Variants in NEK1 observed in about 807,000 individuals in gnomAD.
NEK1 encodes serine/threonine-protein kinase Nek1.
Under a neutral mutation model 182.1 loss-of-function variants are expected in NEK1, and 137 were observed. That is an observed-to-expected ratio of 0.75 (90% CI 0.65 to 0.87). The LOEUF (loss-of-function observed/expected upper bound fraction) is 0.87, where lower values mean the gene tolerates loss of function less well. NEK1 is among the 40% of genes least tolerant of loss of function. The pLI, the probability that NEK1 is intolerant of heterozygous loss-of-function variation, is 0.00. For synonymous variants in NEK1, 513 were observed against 492.2 expected (o/e 1.04, Z -0.56); for missense variants, 1,391 against 1,494.4 (o/e 0.93, Z 1.14).
At chr4:169,545,327 G>A (rs1202849495) in intron 18 of NEK1, among the ~76,000 whole-genome samples, 1 of 151,424 alleles carries the variant, frequency 6.6e-6, no homozygotes, top group Non-Finnish European at 1.5e-5. Context: ...TCTTGCGATA[G>A]TTTACTGAGA....
chr4:169,426,040 G>C (rs1736329482), intron 30 of NEK1, 106 bp downstream of exon 30: 1 of 779,732 alleles, frequency 1.3e-6, no homozygotes, highest in East Asian at 2.7e-5. Flanking sequence ...TGAGATGACT[G>C]ATAAGGAATG....
At chr4:169,441,632 G>A (rs544119954) in intron 27 of NEK1, among the ~76,000 whole-genome samples, 1 of 152,214 alleles carries the variant, frequency 6.6e-6, no homozygotes, top group Non-Finnish European at 1.5e-5. Context: ...CCCTGCTACT[G>A]CCTTGGCAAA....
intron 27 of NEK1, among the ~76,000 whole-genome samples, chr4:169,448,724 G>A (rs928021846): frequency 6.6e-6 from 1 of 152,202 alleles, no homozygotes; most frequent in Non-Finnish European, 1.5e-5. Context: ...CCAGTCTACA[G>A]CTTCCAGCGT....
chr4:169,578,390 T>A (rs1766054296), intron 11 of NEK1, among the ~76,000 whole-genome samples: 1 of 152,184 alleles, frequency 6.6e-6, no homozygotes, highest in Admixed American at 6.5e-5. Flanking sequence ...GCTCTCTAGC[T>A]CAGGATTTTA....
chr4:169,603,052 T>C (rs1487636355), intron 2 of NEK1, among the ~76,000 whole-genome samples: 1 of 152,196 alleles, frequency 6.6e-6, no homozygotes, highest in Admixed American at 6.5e-5. Context: ...TCCCCTCTTA[T>C]TCAACATTCG....
At chr4:169,495,582 A>C (rs1751087494) in intron 23 of NEK1, among the ~76,000 whole-genome samples, 1 of 152,064 alleles carries the variant, frequency 6.6e-6, no homozygotes, top group Non-Finnish European at 1.5e-5. Flanking sequence ...TTTTTGTATA[A>C]AGTGTAAAGA....
chr4:169,532,985 T>C (rs990779223), intron 19 of NEK1, among the ~76,000 whole-genome samples: 1 of 151,102 alleles, frequency 6.6e-6, no homozygotes, highest in Non-Finnish European at 1.5e-5. Context: ...AAAAAAAGAG[T>C]AGCTCCTCTA....
At chr4:169,557,180 C>T (rs1313978897) in intron 16 of NEK1, among the ~76,000 whole-genome samples, 1 of 151,184 alleles carries the variant, frequency 6.6e-6, no homozygotes, top group Non-Finnish European at 1.5e-5. Flanking sequence ...GCCCTGACAC[C>T]AAGCCAAGAA....
intron 35 of NEK1, among the ~76,000 whole-genome samples, chr4:169,397,246 CA>C (rs1730888709): frequency 6.6e-6 from 1 of 151,196 alleles, no homozygotes; most frequent in Non-Finnish European, 1.5e-5. Flanking sequence ...AAAATCCCAA[CA>C]AAAAACTCCC....
chr4:169,562,461 G>A (rs943931119), intron 12 of NEK1, among the ~76,000 whole-genome samples: 14 of 151,982 alleles, frequency 9.2e-5, no homozygotes, highest in Non-Finnish European at 1.5e-5. Flanking sequence ...GGATGTTTAA[G>A]TTTTCCAATA....
chr4:169,418,268 T>C (rs1285190821), intron 31 of NEK1, among the ~76,000 whole-genome samples: 1 of 152,174 alleles, frequency 6.6e-6, no homozygotes, highest in Non-Finnish European at 1.5e-5. Flanking sequence ...AGTTTAAAAG[T>C]GTAAAATAGA....
At chr4:169,405,680 C>G (rs1732467193) in intron 32 of NEK1, among the ~76,000 whole-genome samples, 1 of 151,980 alleles carries the variant, frequency 6.6e-6, no homozygotes, top group Non-Finnish European at 1.5e-5. Context: ...GTTGCTCAGG[C>G]TGGAGTGCAG....
chr4:169,409,423 C>T (rs937428655), intron 31 of NEK1, among the ~76,000 whole-genome samples: 5 of 151,740 alleles, frequency 3.3e-5, no homozygotes, highest in Admixed American at 6.6e-5. Flanking sequence ...GGATTACAGG[C>T]GTGAGCCACC....
In NEK1 at chr4:169,401,811, C is replaced by G. The variant is rs1731741891; in HGVS notation, c.3424G>C (p.Glu1142Gln). The stretch of plus-strand genomic sequence containing the variant: ...CCAGGTTGTTCCCTAAGTAACTGTT[C>G]CATCGAGGCCTGCAGCTCTTGTAAA... The part of the protein sequence containing the change: ...TDLQELQASM[E>Q]QLLREQPGEE... The change falls in exon 33 of 36, where the codon GAA becomes CAA. Residue 1142 changes from glutamate (E) to glutamine (Q), a missense_variant. This residue lies in a region of NEK1 where 1,216 missense variants were observed against 1,277.6 expected (regional missense o/e 0.95). Transcript: ENST00000507142. The G allele has an allele frequency of 1.2e-6, 2 of 1,613,616 alleles. No homozygotes were observed. Among genetic ancestry groups the G allele is most frequent in the East Asian group, 4.5e-5 (2 of 44,882 alleles).
At chr4:169,584,364 C>T (rs912288675) in intron 10 of NEK1, among the ~76,000 whole-genome samples, 1 of 152,124 alleles carries the variant, frequency 6.6e-6, no homozygotes, top group Non-Finnish European at 1.5e-5. Flanking sequence ...GTAATCCTAG[C>T]ACTTTGGGAG....
At chr4:169,584,788 G>A (rs1233944211) in intron 10 of NEK1, among the ~76,000 whole-genome samples, 1 of 152,176 alleles carries the variant, frequency 6.6e-6, no homozygotes, top group Non-Finnish European at 1.5e-5. Context: ...GCTCACAGGT[G>A]AGGAGAGTGA....
intron 2 of NEK1, among the ~76,000 whole-genome samples, chr4:169,604,167 GATT>G (rs1770958742): frequency 6.6e-6 from 1 of 151,960 alleles, no homozygotes; most frequent in African/African-American, 2.4e-5. Flanking sequence ...AAGTATAAAA[GATT>G]ATTTTGATAT....
intron 19 of NEK1, among the ~76,000 whole-genome samples, chr4:169,522,081 TC>T (rs1231641802): frequency 2.6e-5 from 4 of 152,230 alleles, no homozygotes; most frequent in African/African-American, 9.6e-5. Flanking sequence ...TCTCTGTTGT[TC>T]AGATAGAGAA....
chr4:169,433,421 TTCC>T, intron 29 of NEK1, 121 bp downstream of exon 29: 1 of 899,024 alleles, frequency 1.1e-6, no homozygotes, highest in Non-Finnish European at 1.7e-6. Context: ...TCAAATTAAG[TTCC>T]TTTTATAAGG....
Sources: gnomAD v4.1 joint callset for allele counts (sites outside exome capture counted in the v4.1 genomes callset) on GRCh38, gnomAD v4.1.1 for gene constraint, gnomAD v4.1.1 regional missense constraint, MANE v1.5 for transcripts, NCBI Gene and HGNC (gene_info 2026-07-23, HGNC 2026-07-21) for gene names.